The following PIK3R3 variants were observed in gnomAD, a reference collection of about 807,000 sequenced individuals.
PIK3R3 encodes phosphoinositide-3-kinase regulatory subunit 3.
Under a neutral mutation model 62.9 loss-of-function variants are expected in PIK3R3, and 64 were observed. That is an observed-to-expected ratio of 1.02 (90% CI 0.83 to 1.25). The LOEUF (loss-of-function observed/expected upper bound fraction) is 1.25. Among genes scored for constraint, PIK3R3 ranks in the 50% most tolerant of loss-of-function variants. PIK3R3 has a pLI of 0.00. For synonymous variants in PIK3R3, 165 were observed against 189.0 expected (o/e 0.87, Z 1.04); for missense variants, 614 against 561.6 (o/e 1.09, Z -0.94).
At chr1:46,132,820 A>C, upstream of PIK3R3, 1 of 1,222,174 alleles carries the variant, frequency 8.2e-7, no homozygotes, top group South Asian at 1.4e-5. Context: ...ATGTTCAAAA[A>C]GCTGCTCTCC....
At chr1:46,124,279 G>A (rs1654904259) in intron 1 of PIK3R3, among the ~76,000 whole-genome samples, 1 of 152,002 alleles carries the variant, frequency 6.6e-6, no homozygotes, top group African/African-American at 2.4e-5. Context: ...TGCACAGAGA[G>A]GTTTTCTCTG....
intron 1 of PIK3R3, among the ~76,000 whole-genome samples, chr1:46,091,467 AAC>A (rs1239827633): frequency 9.0e-6 from 1 of 111,572 alleles, no homozygotes; most frequent in African/African-American, 3.2e-5. Flanking sequence ...AATGGTTATA[AAC>A]ACACACACAC....
At chr1:46,139,797 C>A in the PIK3R3 span, among the ~76,000 whole-genome samples, 3 of 152,332 alleles carry the variant, frequency 2.0e-5, no homozygotes, top group East Asian at 5.8e-4. Context: ...TGACTTCTGA[C>A]TCTGTTCCCT....
Position 46,132,211 on chromosome 1 carries a change from G to C in PIK3R3, c.-259C>G, listed in dbSNP as rs1480711395. ...GGATTACACAGAGGCTTGGGGGACG[G>C]AGAGCAGAGGTGTTAAAAAGCGGCT... is the stretch of plus-strand genomic sequence containing the variant. On this transcript the variant is annotated 5_prime_UTR_variant, in exon 1 of 10. Coordinates refer to ENST00000262741, the MANE Select transcript of PIK3R3 (RefSeq NM_003629.4). The C allele has an allele frequency of 8.2e-7, 1 of 1,220,306 alleles. No homozygotes were observed. Among genetic ancestry groups the C allele is most frequent in the African/African-American group, 1.5e-5 (1 of 64,714 alleles). 75.6% of individuals were successfully genotyped at this position (1,220,306 alleles called of 1,614,324 possible).
At chr1:46,081,435 A>T (rs1650581801) in intron 1 of PIK3R3, among the ~76,000 whole-genome samples, 1 of 152,190 alleles carries the variant, frequency 6.6e-6, no homozygotes, top group Non-Finnish European at 1.5e-5. Flanking sequence ...TGGGCAAGTG[A>T]ACATTACTGC....
chr1:46,148,083 G>A, the PIK3R3 span, among the ~76,000 whole-genome samples: 1 of 152,126 alleles, frequency 6.6e-6, no homozygotes, highest in Admixed American at 6.6e-5. Context: ...TGATGGAGAG[G>A]GACCAGTGTT....
chr1:46,102,041 G>GT (rs1652740862), intron 1 of PIK3R3, among the ~76,000 whole-genome samples: 1 of 132,298 alleles, frequency 7.6e-6, no homozygotes, highest in Non-Finnish European at 1.5e-5. Context: ...CTGGAGTGCA[G>GT]TGGCGCAATC....
chr1:46,068,902 G>A (rs1571402526), intron 3 of PIK3R3, among the ~76,000 whole-genome samples: 1 of 152,306 alleles, frequency 6.6e-6, no homozygotes, highest in East Asian at 1.9e-4. Context: ...AATCTATCTT[G>A]TGGCTTAAAA....
intron 1 of PIK3R3, among the ~76,000 whole-genome samples, chr1:46,086,241 C>G (rs1336051367): frequency 1.3e-5 from 2 of 152,116 alleles, no homozygotes; most frequent in African/African-American, 2.4e-5. Context: ...TGGGGAACAG[C>G]AGAGAACACT....
At chr1:46,145,123 CAA>C in the PIK3R3 span, among the ~76,000 whole-genome samples, 30 of 78,520 alleles carry the variant, frequency 3.8e-4, no homozygotes, top group Admixed American at 5.4e-4. Flanking sequence ...AACTCCACCT[CAA>C]AAAAAAAAAA....
chr1:46,068,672 A>G (rs1414203148), intron 3 of PIK3R3, among the ~76,000 whole-genome samples: 1 of 152,172 alleles, frequency 6.6e-6, no homozygotes, highest in African/African-American at 2.4e-5. Flanking sequence ...GAAGTTTCCT[A>G]GAGAGAGGTG....
chr1:46,128,401 C>T (rs1012134688), intron 1 of PIK3R3, among the ~76,000 whole-genome samples: 6 of 152,064 alleles, frequency 3.9e-5, no homozygotes, highest in Non-Finnish European at 8.8e-5. Context: ...AGAGCCACTG[C>T]ACTCCAGACT....
chr1:46,150,069 G>A, the PIK3R3 span, among the ~76,000 whole-genome samples: 1 of 152,138 alleles, frequency 6.6e-6, no homozygotes, highest in Non-Finnish European at 1.5e-5. Context: ...CTGTTTGCAC[G>A]AAATCCAAGA....
chr1:46,132,672 A>T, upstream of PIK3R3: 1 of 1,289,318 alleles, frequency 7.8e-7, no homozygotes, highest in Non-Finnish European at 1.0e-6. Context: ...CGCGGAGGGG[A>T]CACCCTCCCC....
the PIK3R3 span, among the ~76,000 whole-genome samples, chr1:46,141,861 G>T: frequency 3.7e-4 from 57 of 152,260 alleles, no homozygotes; most frequent in African/African-American, 1.4e-3. Flanking sequence ...TGCCCAGGTA[G>T]TTGGGCTTAG....
In PIK3R3 at chr1:46,074,303, AAAAAAAAAAAAAAAC is replaced by A. The variant is rs1451267198; in HGVS notation, c.314+3197_314+3211del. On this transcript the variant is annotated intron_variant, in intron 3 of 9. Transcript: ENST00000262741. ...GACTCCGTCAAAAAAAAAAAAAAAAAAAAAAAAAAAAAAACCAATAAATTCAGCCTGACTCAACTT... is the reference window on the plus strand; with the variant it reads ...GACTCCGTCAAAAAAAAAAAAAAAAACAATAAATTCAGCCTGACTCAACTT... 5.9e-4 allele frequency among the ~76,000 whole-genome samples: 86 copies of A among 145,340 alleles called. 4 individuals carry two copies. The highest frequency in any genetic ancestry group is 6.9e-3 in the Middle Eastern group (2 of 290).
chr1:46,133,061 T>C, upstream of PIK3R3: 2 of 1,015,156 alleles, frequency 2.0e-6, no homozygotes, highest in East Asian at 1.1e-4. Flanking sequence ...CCTGCGTCTT[T>C]TGTCTGCCTT....
the PIK3R3 span, among the ~76,000 whole-genome samples, chr1:46,155,679 C>T: frequency 6.6e-6 from 1 of 152,070 alleles, no homozygotes; most frequent in South Asian, 2.1e-4. Context: ...CCAGGCTGGT[C>T]CTAAACTCCT....
At chr1:46,159,880 C>G in the PIK3R3 span, among the ~76,000 whole-genome samples, 1 of 152,198 alleles carries the variant, frequency 6.6e-6, no homozygotes, top group Non-Finnish European at 1.5e-5. Flanking sequence ...CATTACCTTT[C>G]TGCTATGCCG....
Sources: gnomAD v4.1 joint callset for allele counts (sites outside exome capture counted in the v4.1 genomes callset) on GRCh38, gnomAD v4.1.1 for gene constraint, MANE v1.5 for transcripts, NCBI Gene and HGNC (gene_info 2026-07-23, HGNC 2026-07-21) for gene names.